ALK: variants seen among roughly 807,000 people sequenced by gnomAD.
ALK encodes the protein ALK receptor tyrosine kinase.
In ALK, 74 loss-of-function variants were observed where a neutral mutation model predicts 163.1. The ratio of observed to expected loss-of-function variants is 0.45; its 90% CI spans 0.38 to 0.55. ALK has a LOEUF of 0.55. Among genes scored for constraint, ALK ranks in the 20% least tolerant of loss-of-function variants. ALK has a pLI of 0.00. For missense variants in ALK, 2,063 were observed against 2,105.3 expected (o/e 0.98, Z 0.39); for synonymous variants, 960 against 843.2 (o/e 1.14, Z -2.40).
intron 3 of ALK, among the ~76,000 whole-genome samples, chr2:29,546,125 T>A (rs1673546774): frequency 6.6e-6 from 1 of 151,940 alleles, no homozygotes; most frequent in Admixed American, 6.6e-5. Context: ...TGTGGAGGAG[T>A]ACGTTTTTAT....
At chr2:29,916,865 G>T (rs1191362247) in intron 1 of ALK, among the ~76,000 whole-genome samples, 1 of 152,094 alleles carries the variant, frequency 6.6e-6, no homozygotes, top group Non-Finnish European at 1.5e-5. Context: ...TCTATGATTT[G>T]GGCTGTCCTG....
intron 1 of ALK, among the ~76,000 whole-genome samples, chr2:29,886,109 T>C (rs1287652587): frequency 2.0e-5 from 3 of 152,196 alleles, no homozygotes; most frequent in African/African-American, 7.2e-5. Context: ...ACTTAATAAA[T>C]AGTAAACGTA....
chr2:29,338,506 T>G (rs1227141842), intron 5 of ALK, among the ~76,000 whole-genome samples: 1 of 152,242 alleles, frequency 6.6e-6, no homozygotes, highest in Non-Finnish European at 1.5e-5. Context: ...AGAATCATCT[T>G]GATCTCAACA....
chr2:29,675,519 G>T (rs2250087), intron 3 of ALK, among the ~76,000 whole-genome samples: 122,719 of 151,910 alleles, frequency 0.81, 49,639 homozygotes, highest in Non-Finnish European at 0.82. Flanking sequence ...CAGAGACCAG[G>T]GGGAGGTCCG....
At chr2:29,797,002 A>G (rs1558492277) in intron 1 of ALK, among the ~76,000 whole-genome samples, 1 of 132,012 alleles carries the variant, frequency 7.6e-6, no homozygotes, top group East Asian at 2.0e-4. Context: ...ACGCACACCC[A>G]CACACACACA....
chr2:29,756,021 A>G (rs867596362), intron 1 of ALK, among the ~76,000 whole-genome samples: 4 of 152,228 alleles, frequency 2.6e-5, no homozygotes, highest in Admixed American at 6.5e-5. Context: ...AAGCCAGAAC[A>G]CAAAAAGCCC....
chr2:29,784,589 G>A (rs1486478316), intron 1 of ALK, among the ~76,000 whole-genome samples: 1 of 152,080 alleles, frequency 6.6e-6, no homozygotes, highest in African/African-American at 2.4e-5. Flanking sequence ...CCAGCTACTT[G>A]GGAGACTGAG....
intron 1 of ALK, among the ~76,000 whole-genome samples, chr2:29,757,469 T>C (rs1311690031): frequency 6.6e-6 from 1 of 152,218 alleles, no homozygotes; most frequent in African/African-American, 2.4e-5. Flanking sequence ...TTTCATGTCC[T>C]GTAAGGAAGG....
At chr2:29,510,241 C>T (rs1433862401) in intron 4 of ALK, among the ~76,000 whole-genome samples, 1 of 152,142 alleles carries the variant, frequency 6.6e-6, no homozygotes. Context: ...TCTGGTCTGG[C>T]AAGTATGAAA....
chr2:29,253,078 G>C (rs1366719582), intron 11 of ALK, among the ~76,000 whole-genome samples: 3 of 152,106 alleles, frequency 2.0e-5, no homozygotes, highest in African/African-American at 7.2e-5. Context: ...CTGCAGTCTT[G>C]AAGTCCTGAG....
chr2:29,794,147 C>A (rs1464909607), intron 1 of ALK, among the ~76,000 whole-genome samples: 1 of 152,192 alleles, frequency 6.6e-6, no homozygotes, highest in East Asian at 1.9e-4. Context: ...TTCATCAGCA[C>A]TTGCTGCTTC....
Position 29,631,651 on chromosome 2 carries a change from A to G in ALK, c.952+63199T>C, listed in dbSNP as rs182712829. On this transcript the variant is annotated intron_variant, in intron 3 of 28. Coordinates refer to ENST00000389048, the MANE Select transcript of ALK (RefSeq NM_004304.5). ...AAACAGTACCTGCCCTGTGCAATTC[A>G]AAAGGCTGTTCATACATCAAATGAA... 3.6e-3 allele frequency among the ~76,000 whole-genome samples: 541 copies of G among 152,372 alleles called. 7 individuals carry two copies. Among genetic ancestry groups the G allele is most frequent in the African/African-American group, 0.011 (446 of 41,590 alleles).
intron 1 of ALK, among the ~76,000 whole-genome samples, chr2:29,864,395 G>A (rs1238536276): frequency 6.6e-6 from 1 of 152,204 alleles, no homozygotes; most frequent in Non-Finnish European, 1.5e-5. Context: ...GCCTTCCTAA[G>A]TAGGCCCTTT....
At chr2:29,751,491 G>A (rs1462632005) in intron 1 of ALK, among the ~76,000 whole-genome samples, 10 of 152,126 alleles carry the variant, frequency 6.6e-5, no homozygotes. Context: ...TCTCGGGGAT[G>A]GGAAAGGCGT....
chr2:29,277,663 C>T (rs578089753), intron 9 of ALK, among the ~76,000 whole-genome samples: 1 of 152,358 alleles, frequency 6.6e-6, no homozygotes, highest in African/African-American at 2.4e-5. Flanking sequence ...ATGCTACCCT[C>T]AGTCAGGATA....
At chr2:29,241,736 C>G (rs1173664931) in intron 12 of ALK, among the ~76,000 whole-genome samples, 1 of 152,066 alleles carries the variant, frequency 6.6e-6, no homozygotes, top group Non-Finnish European at 1.5e-5. Context: ...CCAGCATCCT[C>G]CAATGTGCCA....
intron 28 of ALK, among the ~76,000 whole-genome samples, chr2:29,196,040 G>A (rs1044398491): frequency 6.6e-6 from 1 of 152,158 alleles, no homozygotes; most frequent in Non-Finnish European, 1.5e-5. Flanking sequence ...GGTGAGGGAG[G>A]AAGCATAGCT....
At chr2:29,295,518 C>T (rs1407618545) in intron 9 of ALK, among the ~76,000 whole-genome samples, 1 of 152,174 alleles carries the variant, frequency 6.6e-6, no homozygotes, top group Non-Finnish European at 1.5e-5. Flanking sequence ...GTCCTGGGGT[C>T]ACTGATCCTT....
intron 8 of ALK, among the ~76,000 whole-genome samples, chr2:29,309,510 G>A (rs1293240174): frequency 6.6e-6 from 1 of 152,216 alleles, no homozygotes; most frequent in Admixed American, 6.5e-5. Flanking sequence ...TACAATTGCT[G>A]TTGATTACTG....
Sources: gnomAD v4.1 joint callset for allele counts (sites outside exome capture counted in the v4.1 genomes callset) on GRCh38, gnomAD v4.1.1 for gene constraint, MANE v1.5 for transcripts, NCBI Gene and HGNC (gene_info 2026-07-23, HGNC 2026-07-21) for gene names.